ERMAP: variants seen among roughly 807,000 people sequenced by gnomAD.
The protein encoded by ERMAP is erythroblast membrane associated protein (Scianna blood group).
A neutral mutation model predicts 49.5 loss-of-function variants in ERMAP; 34 were observed. That is an observed-to-expected ratio of 0.69 (90% CI 0.52 to 0.91). The LOEUF (loss-of-function observed/expected upper bound fraction) is 0.91. ERMAP is among the 40% of genes least tolerant of loss of function. The pLI, the probability that ERMAP is intolerant of heterozygous loss-of-function variation, is 0.00. For synonymous variants in ERMAP, 214 were observed against 232.2 expected (o/e 0.92, Z 0.71); for missense variants, 541 against 582.6 (o/e 0.93, Z 0.74).
intron 8 of ERMAP, 68 bp from the exon 9 acceptor site, chr1:42,839,965 T>C: frequency 6.8e-7 from 1 of 1,480,966 alleles, no homozygotes; most frequent in Non-Finnish European, 9.4e-7. Context: ...GATGGGACTG[T>C]AGCATTATGG....
intron 5 of ERMAP, 133 bp from the exon 6 acceptor site, chr1:42,835,599 C>A: frequency 8.5e-7 from 1 of 1,178,796 alleles, no homozygotes; most frequent in Non-Finnish European, 1.2e-6. Flanking sequence ...ACTCTCTAAT[C>A]CTTTCAAATG....
chr1:42,824,402 A>G (rs1044239463), intron 1 of ERMAP: 1 of 152,178 alleles, frequency 6.6e-6, no homozygotes, highest in African/African-American at 2.4e-5. Context: ...TAAAGCCCAG[A>G]AACAACCCAC....
intron 2 of ERMAP, chr1:42,829,843 G>A (rs1654661989): frequency 6.5e-6 from 1 of 153,502 alleles, no homozygotes; most frequent in South Asian, 2.0e-4. Flanking sequence ...AATAGGTAGA[G>A]CTAAGATTTG....
At chr1:42,822,870 G>T (rs1411242333) in intron 1 of ERMAP, among the ~76,000 whole-genome samples, 2 of 152,056 alleles carry the variant, frequency 1.3e-5, no homozygotes, top group African/African-American at 2.4e-5. Context: ...AGAACATGTG[G>T]TGTTTAACTT....
Position 42,844,146 on chromosome 1 carries a change from A to G in ERMAP, c.*914A>G. Reference sequence around the variant, plus strand: ...AACGTAGAAGCTTTTTTTTCCCCACAAGACCATTGTACTGCAATACTTGAG... The same window carrying G: ...AACGTAGAAGCTTTTTTTTCCCCACGAGACCATTGTACTGCAATACTTGAG... On this transcript the variant is annotated 3_prime_UTR_variant, in exon 12 of 12. Coordinates refer to ENST00000372517, the MANE Select transcript of ERMAP (RefSeq NM_001017922.2). This position sits in a 1 kb window ranked among gnomAD's most constrained non-coding sequence, Gnocchi z 4.0. 2.5e-6 allele frequency: 1 copy of G among 398,610 alleles called. No homozygotes were observed. Among genetic ancestry groups the G allele is most frequent in the Non-Finnish European group, 4.4e-6 (1 of 226,050 alleles). 24.7% of individuals were successfully genotyped at this position (398,610 alleles called of 1,614,324 possible). A position where few individuals can be genotyped will look rare whatever the true frequency, so the allele number is the denominator to read the frequency against.
At chr1:42,838,989 T>C (rs1005973190) in intron 8 of ERMAP, 68 bp downstream of exon 8, 26 of 1,612,814 alleles carry the variant, frequency 1.6e-5, no homozygotes, top group Non-Finnish European at 2.0e-5. Flanking sequence ...GATGAGCATC[T>C]CAGTTTCACT....
chr1:42,835,324 A>G (rs1654863409), intron 5 of ERMAP, among the ~76,000 whole-genome samples, 170 bp downstream of exon 5: 1 of 142,728 alleles, frequency 7.0e-6, no homozygotes, highest in South Asian at 2.3e-4. Flanking sequence ...ACACATTGCA[A>G]AGGGAGTTCA....
chr1:42,835,885 T>A, intron 6 of ERMAP, 121 bp downstream of exon 6: 1 of 1,447,914 alleles, frequency 6.9e-7, no homozygotes, highest in Non-Finnish European at 9.1e-7. Context: ...TCCTTGGTGA[T>A]GGTGGCAATG....
At chr1:42,820,474 C>T (rs1019479008) in intron 1 of ERMAP, among the ~76,000 whole-genome samples, 1 of 151,060 alleles carries the variant, frequency 6.6e-6, no homozygotes, top group Non-Finnish European at 1.5e-5. Context: ...ATCCTCCTGC[C>T]TCAGCCTCCC....
chr1:42,831,386 T>C (rs1255415378), intron 4 of ERMAP, among the ~76,000 whole-genome samples: 1 of 152,034 alleles, frequency 6.6e-6, no homozygotes, highest in Non-Finnish European at 1.5e-5. Flanking sequence ...GCTCAGATAA[T>C]AGCTTTTCCT....
chr1:42,823,326 T>C (rs974738883), intron 1 of ERMAP, among the ~76,000 whole-genome samples: 2 of 152,250 alleles, frequency 1.3e-5, no homozygotes, highest in African/African-American at 4.8e-5. Flanking sequence ...CACTGAGTTT[T>C]ACAGATCTTC....
rs1654977212 is a variant in ERMAP, at chr1:42,838,846, A to G, written c.617-55A>G. ...GAGTGATGAGGCTGCCACAGCTCTG[A>G]GGAAAAAGAGGCAGGATCTGATCAC... On this transcript the variant is annotated intron_variant, in intron 7 of 11. Coordinates refer to ENST00000372517, the MANE Select transcript of ERMAP (RefSeq NM_001017922.2). The G allele has an allele frequency of 1.9e-6, 3 of 1,610,046 alleles. No individual in the cohort carries two copies. The African/African-American group carries it at 4.0e-5, about 22-fold the overall frequency.
chr1:42,827,722 T>C (rs542188327), intron 2 of ERMAP, among the ~76,000 whole-genome samples: 5 of 152,216 alleles, frequency 3.3e-5, no homozygotes, highest in South Asian at 2.1e-4. Flanking sequence ...AGGAGTTCCA[T>C]GATAATCACT....
Position 42,819,171 on chromosome 1 carries a change from G to A in ERMAP, c.-122+1918G>A, listed in dbSNP as rs1326760942. Among the ~76,000 whole-genome samples the A allele has an allele frequency of 1.9e-4, 1 of 5,380 alleles. No homozygotes were observed. The highest frequency in any genetic ancestry group is 2.8e-4 in the African/African-American group (1 of 3,568). 3.5% of individuals were successfully genotyped at this position (5,380 alleles called of 152,430 possible). A position where few individuals can be genotyped will look rare whatever the true frequency, so the allele number is the denominator to read the frequency against. ...GTGAGGAAGAGGATAAGTTAGGAGC[G>A]TGTGTGTGTGTGTGTGTGTGTGTGT... On this transcript the variant is annotated intron_variant, in intron 1 of 11. Transcript: ENST00000372517. The surrounding 1 kb of genome is among the most constrained non-coding windows in gnomAD (Gnocchi z 5.1).
chr1:42,837,234 T>G (rs1315130768), intron 7 of ERMAP, 44 bp downstream of exon 7: 2 of 1,576,590 alleles, frequency 1.3e-6, no homozygotes, highest in Middle Eastern at 1.8e-4. Flanking sequence ...AAAAACACAT[T>G]CTTTATTTTT....
At chr1:42,834,712 C>G (rs758230722) in intron 4 of ERMAP, 1 of 243,034 alleles carries the variant, frequency 4.1e-6, no homozygotes, top group Non-Finnish European at 8.2e-6. Context: ...CCCGCCACCA[C>G]ACCTGGCTAA....
At chr1:42,839,469 G>T (rs1026273344) in intron 8 of ERMAP, 1 of 168,800 alleles carries the variant, frequency 5.9e-6, no homozygotes, top group Non-Finnish European at 1.3e-5. Context: ...AATTAGCTGG[G>T]TGTGGTGGTG....
intron 7 of ERMAP, chr1:42,837,696 C>T (rs1654941706): frequency 6.6e-6 from 1 of 152,020 alleles, no homozygotes; most frequent in South Asian, 2.1e-4. Flanking sequence ...TTAAAACAGG[C>T]AACCTTAAAA....
rs1032854982 is a variant in ERMAP at position 42,830,469 on chromosome 1, T to G, written c.21T>G (p.Ala7=). Residue 7 remains alanine, a synonymous_variant, in exon 3 of 12, where the codon GCT becomes GCG. Coordinates refer to ENST00000372517, the MANE Select transcript of ERMAP (RefSeq NM_001017922.2). ...TTCGGATGGAGATGGCGAGTTCTGC[T>G]GGCTCCTGGCTCTCTGGCTGCCTCA... The part of the protein sequence containing the change: MEMASS[A]GSWLSGCLIP... The G allele has an allele frequency of 2.5e-5, 40 of 1,614,052 alleles. No homozygotes were observed. The highest frequency in any genetic ancestry group is 4.0e-5 in the African/African-American group (3 of 74,940).
Sources: allele counts gnomAD v4.1 joint callset (sites outside exome capture counted in the v4.1 genomes callset), GRCh38; gene constraint gnomAD v4.1.1; non-coding constraint Gnocchi (gnomAD v3.1); transcripts MANE v1.5; gene names NCBI Gene and HGNC (gene_info 2026-07-23, HGNC 2026-07-21).